CHLSN: variants seen among roughly 807,000 people sequenced by gnomAD.
CHLSN encodes the protein protein cholesin.
At chr7:994,941 T>G in the CHLSN span, among the ~76,000 whole-genome samples, 2 of 152,258 alleles carry the variant, frequency 1.3e-5, no homozygotes, top group African/African-American at 4.8e-5. Flanking sequence ...ATCCGCCACC[T>G]GGCTTGCTGC....
the CHLSN span, among the ~76,000 whole-genome samples, chr7:1,053,478 G>C: frequency 6.6e-6 from 1 of 152,208 alleles, no homozygotes; most frequent in African/African-American, 2.4e-5. Flanking sequence ...CACATGACTC[G>C]CCAGGCCCTG....
chr7:993,983 C>T, the CHLSN span, among the ~76,000 whole-genome samples: 1 of 152,084 alleles, frequency 6.6e-6, no homozygotes, highest in African/African-American at 2.4e-5. Context: ...TTCCGGAAGC[C>T]GCACAGTGCT....
chr7:1,098,974 C>G, the CHLSN span, among the ~76,000 whole-genome samples: 24 of 152,274 alleles, frequency 1.6e-4, no homozygotes, highest in Admixed American at 1.3e-4. Context: ...TGGATTTCTG[C>G]TATGTAAATT....
the CHLSN span, among the ~76,000 whole-genome samples, chr7:1,094,435 GT>G: frequency 3.3e-5 from 5 of 152,206 alleles, no homozygotes; most frequent in Non-Finnish European, 7.3e-5. Flanking sequence ...CTATGATACT[GT>G]TTTTTATTTG....
the CHLSN span, among the ~76,000 whole-genome samples, chr7:1,037,507 G>A: frequency 5.7e-5 from 8 of 141,418 alleles, 1 homozygote; most frequent in East Asian, 2.0e-4. Flanking sequence ...TCAGCCTCCC[G>A]AGGTGCCGGG....
chr7:1,129,495 C>G, the CHLSN span, among the ~76,000 whole-genome samples: 64,351 of 95,182 alleles, frequency 0.68, 24,838 homozygotes, highest in African/African-American at 0.9. Flanking sequence ...ACTCGGGCTG[C>G]AGTGCAGTGG....
At chr7:996,640 G>A in the CHLSN span, among the ~76,000 whole-genome samples, 3 of 152,186 alleles carry the variant, frequency 2.0e-5, no homozygotes, top group Admixed American at 6.5e-5. Flanking sequence ...ATGGCCACCC[G>A]GCCCTCCCCG....
At chr7:1,127,437 T>G in the CHLSN span, 3,209 of 1,521,804 alleles carry the variant, frequency 2.1e-3, 7 homozygotes, top group South Asian at 3.2e-3. Context: ...AAGGCTTAAC[T>G]CATGTAAGAT....
At chr7:1,041,312 CG>C in the CHLSN span, among the ~76,000 whole-genome samples, 2 of 113,970 alleles carry the variant, frequency 1.8e-5, no homozygotes, top group East Asian at 4.5e-4. Flanking sequence ...ACCTGGGGTC[CG>C]CGCTGCGGGG....
At chr7:1,110,785 G>C in the CHLSN span, among the ~76,000 whole-genome samples, 1 of 149,780 alleles carries the variant, frequency 6.7e-6, no homozygotes, top group African/African-American at 2.5e-5. Context: ...AATCAGTACA[G>C]AAAAGATAAA....
At chr7:1,040,189 A>AATAAAAAAAAAT in the CHLSN span, among the ~76,000 whole-genome samples, 312 of 144,608 alleles carry the variant, frequency 2.2e-3, 9 homozygotes, top group African/African-American at 7.3e-3. Flanking sequence ...AATTTAAAAA[A>AATAAAAAAAAAT]AAAAAAAAAA....
chr7:1,091,191 G>A, the CHLSN span, among the ~76,000 whole-genome samples: 1 of 152,312 alleles, frequency 6.6e-6, no homozygotes, highest in Admixed American at 6.5e-5. Flanking sequence ...AGCAGCCGTG[G>A]GACCTGCAGG....
At chr7:1,091,576 C>T in the CHLSN span, 1 of 676,670 alleles carries the variant, frequency 1.5e-6, no homozygotes, top group South Asian at 2.0e-5. Context: ...CAACCCAAAC[C>T]ACCACAGGTG....
At chr7:1,008,778 ACACACG>A in the CHLSN span, among the ~76,000 whole-genome samples, 75 of 152,156 alleles carry the variant, frequency 4.9e-4, no homozygotes, top group African/African-American at 1.8e-3. Context: ...ACACACACGC[ACACACG>A]CACATGTACA....
At chr7:1,020,218 A>G in the CHLSN span, among the ~76,000 whole-genome samples, 1 of 152,088 alleles carries the variant, frequency 6.6e-6, no homozygotes, top group Admixed American at 6.5e-5. Context: ...GCATTCCCTC[A>G]TGCTCCCGTC....
chr7:1,016,994 GCACAGGAGCACACAGCAGCA>G, the CHLSN span, among the ~76,000 whole-genome samples: 217 of 97,902 alleles, frequency 2.2e-3, 2 homozygotes, highest in African/African-American at 0.011. Context: ...GCACAGCAGC[GCACAGGAGCACACAGCAGCA>G]CACAGCAGCG....
the CHLSN span, among the ~76,000 whole-genome samples, chr7:1,053,536 A>G: frequency 5.9e-5 from 9 of 152,166 alleles, no homozygotes; most frequent in African/African-American, 2.2e-4. Flanking sequence ...AGCCTTCAAA[A>G]TGTACACCTC....
At chr7:1,031,432 G>GCGGCAGAGACCTGCA in the CHLSN span, among the ~76,000 whole-genome samples, 3 of 114,222 alleles carry the variant, frequency 2.6e-5, no homozygotes, top group Admixed American at 8.7e-5. Context: ...GTGGTCCGGG[G>GCGGCAGAGACCTGCA]GGGCAGAGAC....
At chr7:1,022,523 G>A in the CHLSN span, among the ~76,000 whole-genome samples, 130 of 152,244 alleles carry the variant, frequency 8.5e-4, no homozygotes, top group African/African-American at 3.0e-3. Context: ...CGCAGGTGAC[G>A]GCCGTCGTGA....
Sources: gnomAD v4.1 joint callset for allele counts (sites outside exome capture counted in the v4.1 genomes callset) on GRCh38, gnomAD v4.1.1 for gene constraint, MANE v1.5 for transcripts, NCBI Gene and HGNC (gene_info 2026-07-23, HGNC 2026-07-21) for gene names.